Variants in PDSS2 observed in about 807,000 individuals in gnomAD.
PDSS2 encodes decaprenyl diphosphate synthase subunit 2.
A neutral mutation model predicts 44.5 loss-of-function variants in PDSS2; 31 were observed. That is an observed-to-expected ratio of 0.70 (90% CI 0.52 to 0.94). The LOEUF (loss-of-function observed/expected upper bound fraction) is 0.94, where lower values mean the gene tolerates loss of function less well. Among genes scored for constraint, PDSS2 ranks in the 40% least tolerant of loss-of-function variants. The pLI is 0.00. For synonymous variants in PDSS2, 157 were observed against 180.3 expected (o/e 0.87, Z 1.03); for missense variants, 452 against 482.2 (o/e 0.94, Z 0.59).
intron 1 of PDSS2, among the ~76,000 whole-genome samples, chr6:107,446,039 C>T (rs1465826235): frequency 6.6e-6 from 1 of 151,992 alleles, no homozygotes; most frequent in African/African-American, 2.4e-5. Flanking sequence ...AATAATTGGC[C>T]AGGCGCGGTG....
intron 2 of PDSS2, among the ~76,000 whole-genome samples, chr6:107,293,575 G>T (rs1343876346): frequency 1.3e-5 from 2 of 152,122 alleles, no homozygotes; most frequent in Non-Finnish European, 2.9e-5. Flanking sequence ...GAGGATTAAA[G>T]AACTGATTAC....
At chr6:107,241,507 C>T (rs1774431200) in intron 4 of PDSS2, among the ~76,000 whole-genome samples, 1 of 151,590 alleles carries the variant, frequency 6.6e-6, no homozygotes, top group Non-Finnish European at 1.5e-5. Context: ...CCACCACGCC[C>T]AGCTAATTTT....
In PDSS2 at chr6:107,388,473, G is replaced by A. The variant is rs576326848; in HGVS notation, c.297-54141C>T. Among the ~76,000 whole-genome samples the A allele has an allele frequency of 9.4e-5, 14 of 148,688 alleles. No individual in the cohort carries two copies. The East Asian group carries it at 2.6e-3, about 27-fold the overall frequency. On this transcript the variant is annotated intron_variant, in intron 1 of 7. Coordinates refer to ENST00000369037, the MANE Select transcript of PDSS2 (RefSeq NM_020381.4). Reference sequence around the variant, plus strand: ...TTTTTTTTTTTTTTTTTTTGAGACGGAGTCTCGCTCTGTCGCCCAGGCTGG... The same window carrying A: ...TTTTTTTTTTTTTTTTTTTGAGACGAAGTCTCGCTCTGTCGCCCAGGCTGG...
At chr6:107,197,619 G>A (rs528566227) in intron 6 of PDSS2, among the ~76,000 whole-genome samples, 1 of 152,180 alleles carries the variant, frequency 6.6e-6, no homozygotes, top group Non-Finnish European at 1.5e-5. Flanking sequence ...AGTGTCCTGT[G>A]TTGACTATTT....
At chr6:107,172,303 A>G (rs926807958) in intron 7 of PDSS2, among the ~76,000 whole-genome samples, 2 of 152,254 alleles carry the variant, frequency 1.3e-5, no homozygotes, top group Non-Finnish European at 2.9e-5. Flanking sequence ...CTTTTAAAAT[A>G]TTAAAGAGAA....
chr6:107,193,687 T>C (rs139379307), intron 7 of PDSS2, 135 bp downstream of exon 7: 2 of 714,810 alleles, frequency 2.8e-6, no homozygotes, highest in African/African-American at 3.5e-5. Flanking sequence ...CCACATGCTA[T>C]TGGCCTGTTA....
At position 107,210,138 on chromosome 6, in the gene PDSS2, C is replaced by A. The variant is rs188355505; in HGVS notation, c.1008+301G>T. 3.9e-5 allele frequency among the ~76,000 whole-genome samples: 6 copies of A among 152,116 alleles called. No individual in the cohort carries two copies. The East Asian group carries it at 1.2e-3, about 29-fold the overall frequency. The stretch of plus-strand genomic sequence containing the variant: ...TTATAGGGTGGTGCTATTACCATAG[C>A]CCAATTTTTGAAAGCCTTTAGAAAA... On this transcript the variant is annotated intron_variant, in intron 6 of 7. Coordinates refer to ENST00000369037, the MANE Select transcript of PDSS2 (RefSeq NM_020381.4).
rs533241550 is a variant in PDSS2, at chr6:107,196,667, G to A, written c.1009-2813C>T. 2.6e-5 allele frequency among the ~76,000 whole-genome samples: 4 copies of A among 152,330 alleles called. No individual in the cohort carries two copies. The South Asian group carries it at 8.3e-4, about 32-fold the overall frequency. On this transcript the variant is annotated intron_variant, in intron 6 of 7. Transcript: ENST00000369037. ...CCTAAAATCTTCAGAAACTCACCAA[G>A]TGATGCCTTTTTGTATGTTAACGAG...
chr6:107,187,287 A>G (rs1166974526), intron 7 of PDSS2, among the ~76,000 whole-genome samples: 1 of 152,168 alleles, frequency 6.6e-6, no homozygotes, highest in Non-Finnish European at 1.5e-5. Context: ...GTGGGTTTCT[A>G]TTTACTGGCA....
intron 7 of PDSS2, among the ~76,000 whole-genome samples, chr6:107,170,130 T>C (rs1771511523): frequency 6.6e-6 from 1 of 152,190 alleles, no homozygotes; most frequent in Non-Finnish European, 1.5e-5. Context: ...CTTCACCCAG[T>C]TGGAGCTTCC....
intron 1 of PDSS2, among the ~76,000 whole-genome samples, chr6:107,363,859 G>C (rs1386636026): frequency 6.6e-6 from 1 of 152,132 alleles, no homozygotes; most frequent in African/African-American, 2.4e-5. Flanking sequence ...TGACACACAG[G>C]TTCTCCAAGT....
chr6:107,233,872 C>G (rs1025600033), intron 4 of PDSS2, among the ~76,000 whole-genome samples: 1 of 151,750 alleles, frequency 6.6e-6, no homozygotes, highest in Non-Finnish European at 1.5e-5. Flanking sequence ...AACAATTAAT[C>G]TAGAATTTCC....
intron 1 of PDSS2, among the ~76,000 whole-genome samples, chr6:107,444,003 T>G (rs2114819169): frequency 6.6e-6 from 1 of 152,294 alleles, no homozygotes; most frequent in African/African-American, 2.4e-5. Flanking sequence ...TCATTCAATC[T>G]TCATAAAACT....
At chr6:107,407,856 T>G (rs1180523579) in intron 1 of PDSS2, among the ~76,000 whole-genome samples, 1 of 151,230 alleles carries the variant, frequency 6.6e-6, no homozygotes, top group Non-Finnish European at 1.5e-5. Context: ...CCTGCCACCA[T>G]GCATGGCTAA....
intron 1 of PDSS2, among the ~76,000 whole-genome samples, chr6:107,412,055 T>A (rs1780517781): frequency 1.3e-5 from 2 of 150,714 alleles, no homozygotes; most frequent in Non-Finnish European, 3.0e-5. Flanking sequence ...CCGGCTAATT[T>A]TTTTGTATTT....
intron 4 of PDSS2, among the ~76,000 whole-genome samples, chr6:107,223,093 T>TC (rs1773668785): frequency 6.6e-6 from 1 of 151,282 alleles, no homozygotes; most frequent in Non-Finnish European, 1.5e-5. Context: ...GGATTACAGG[T>TC]GTGCGTCACC....
intron 2 of PDSS2, among the ~76,000 whole-genome samples, chr6:107,327,230 G>A (rs1340629807): frequency 1.3e-5 from 2 of 152,164 alleles, no homozygotes; most frequent in Admixed American, 6.5e-5. Context: ...TTCTGAAGCA[G>A]TGGGAACATC....
chr6:107,189,108 C>A (rs1159619891), intron 7 of PDSS2, among the ~76,000 whole-genome samples: 2 of 152,146 alleles, frequency 1.3e-5, no homozygotes, highest in Non-Finnish European at 2.9e-5. Flanking sequence ...AGTGCAGTGA[C>A]ACAATCTCAG....
chr6:107,373,527 G>A (rs1436705118), intron 1 of PDSS2, among the ~76,000 whole-genome samples: 1 of 152,100 alleles, frequency 6.6e-6, no homozygotes, highest in East Asian at 1.9e-4. Flanking sequence ...GTCTTATCTT[G>A]TTCTCCACTG....
Sources: gnomAD v4.1 joint callset for allele counts (sites outside exome capture counted in the v4.1 genomes callset) on GRCh38, gnomAD v4.1.1 for gene constraint, MANE v1.5 for transcripts, NCBI Gene and HGNC (gene_info 2026-07-23, HGNC 2026-07-21) for gene names.